HKDC1: variants seen among roughly 807,000 people sequenced by gnomAD.
HKDC1 encodes hexokinase HKDC1.
Under a neutral mutation model 96.6 loss-of-function variants are expected in HKDC1, and 66 were observed. That is an observed-to-expected ratio of 0.68 (90% CI 0.56 to 0.84). HKDC1 has a LOEUF of 0.84. Ranked by LOEUF, HKDC1 falls within the 40% of genes least tolerant of loss-of-function variation. HKDC1 has a pLI of 0.00. For missense variants in HKDC1, 1,211 were observed against 1,208.1 expected, an observed-to-expected ratio of 1.00 and a Z score of -0.04; for synonymous variants, 466 against 473.1, an observed-to-expected ratio of 0.98 and a Z score of 0.20.
In HKDC1 at chr10:69,267,459, G is replaced by A; in HGVS notation, c.*702G>A. On this transcript the variant is annotated 3_prime_UTR_variant, in exon 18 of 18. Coordinates refer to ENST00000354624, the MANE Select transcript of HKDC1 (RefSeq NM_025130.4). ...GGGGCATCTGTTTTTCATTTTGCCT[G>A]TGGTTTGTGTTGCAGGTGTTGATAG... is the stretch of plus-strand genomic sequence containing the variant. 4.4e-6 allele frequency: 2 copies of A among 455,694 alleles called. No individual in the cohort carries two copies. Among genetic ancestry groups the A allele is most frequent in the Non-Finnish European group, 8.8e-6 (2 of 226,894 alleles). The allele number at this position is 455,694 out of a possible 1,614,324, so 28.2% of individuals were successfully genotyped here.
intron 1 of HKDC1, among the ~76,000 whole-genome samples, chr10:69,221,324 A>G (rs1325525209): frequency 6.6e-6 from 1 of 152,170 alleles, no homozygotes; most frequent in Non-Finnish European, 1.5e-5. Context: ...CACTTTGCTC[A>G]GGGAACTTGT....
At chr10:69,262,007 G>T in intron 16 of HKDC1, 1 of 380,090 alleles carries the variant, frequency 2.6e-6, no homozygotes, top group Non-Finnish European at 5.3e-6. Context: ...TTCTGGACAA[G>T]AATATTTTCT....
chr10:69,234,056 G>A (rs1843322582), intron 4 of HKDC1, among the ~76,000 whole-genome samples: 1 of 152,116 alleles, frequency 6.6e-6, no homozygotes, highest in Admixed American at 6.6e-5. Flanking sequence ...GCAGGAGGAA[G>A]CTAACCCAAT....
chr10:69,265,832 A>T lies in HKDC1; in HGVS notation c.2606+14A>T. 6.7e-7 allele frequency: 1 copy of T among 1,483,670 alleles called. No homozygotes were observed. The highest frequency in any genetic ancestry group is 9.4e-7 in the Non-Finnish European group (1 of 1,068,766). The allele number at this position is 1,483,670 out of a possible 1,614,324, so 91.9% of individuals were successfully genotyped here. ...GCTGCACCCTCAGTGAGTGCCCACA[A>T]GAGGCGTGGCGGGTGGGGCTGGGGA... On this transcript the variant is annotated intron_variant, in intron 17 of 17. Transcript: ENST00000354624.
rs1327076532 is a variant in HKDC1 at position 69,267,309 on chromosome 10, G to C, written c.*552G>C. ...AAAGACTTTGAAGTATCCAGCCCCA[G>C]GGTGCAGAGAGGTTGATTGCCAGGG... On this transcript the variant is annotated 3_prime_UTR_variant, in exon 18 of 18. Transcript: ENST00000354624. 1 of 348,502 alleles carries C rather than the reference G, an allele frequency of 2.9e-6. No individual in the cohort carries two copies. The highest frequency in any genetic ancestry group is 5.5e-6 in the Non-Finnish European group (1 of 181,096). 21.6% of individuals were successfully genotyped at this position (348,502 alleles called of 1,614,324 possible).
intron 12 of HKDC1, among the ~76,000 whole-genome samples, chr10:69,256,309 T>A (rs938526797): frequency 7.9e-5 from 12 of 152,358 alleles, no homozygotes; most frequent in African/African-American, 2.9e-4. Flanking sequence ...TCCATACTGT[T>A]GGAGTTTTAG....
At chr10:69,260,650 G>A (rs1433925344) in intron 15 of HKDC1, among the ~76,000 whole-genome samples, 1 of 152,160 alleles carries the variant, frequency 6.6e-6, no homozygotes, top group East Asian at 1.9e-4. Flanking sequence ...TAATGATGAT[G>A]TGTGTCACCA....
Position 69,240,680 on chromosome 10 carries a change from T to A in HKDC1, c.620T>A (p.Val207Asp), listed in dbSNP as rs761666866. Residue 207 changes from valine (V) to aspartate (D), a missense_variant, in exon 6 of 18, where the codon GTC becomes GAC. Coordinates refer to ENST00000354624, the MANE Select transcript of HKDC1 (RefSeq NM_025130.4). ...ATGGACGTGGACATCCTGGCCCTGG[T>A]CAATGACACCGTGGGGACCATGATG... is the stretch of plus-strand genomic sequence containing the variant. The part of the protein sequence containing the change: ...KDMDVDILAL[V>D]NDTVGTMMTC... The A allele has an allele frequency of 1.1e-5, 18 of 1,614,072 alleles. No homozygotes were observed. The Admixed American group carries it at 1.2e-4, about 10-fold the overall frequency.
In HKDC1 at chr10:69,261,104, G is replaced by A. The variant is rs183709374; in HGVS notation, c.2217-35G>A. The stretch of plus-strand genomic sequence containing the variant: ...ACATCATGTGGTCTTCTGCATTGCA[G>A]GTCTGCCCCAACCTTATCCTTCTTC... On this transcript the variant is annotated intron_variant, in intron 15 of 17. Coordinates refer to ENST00000354624, the MANE Select transcript of HKDC1 (RefSeq NM_025130.4). 9 of 1,596,938 alleles carry A rather than the reference G, an allele frequency of 5.6e-6. No homozygotes were observed. In the East Asian group the frequency reaches 1.1e-4, roughly 20 times the overall value.
At chr10:69,247,642 C>T in intron 9 of HKDC1, 49 bp downstream of exon 9, 1 of 1,464,874 alleles carries the variant, frequency 6.8e-7, no homozygotes, top group Non-Finnish European at 9.5e-7. Context: ...CTCCCTGGAG[C>T]AGGGCCCCAG....
chr10:69,246,986 G>A (rs758508088), intron 8 of HKDC1, among the ~76,000 whole-genome samples: 14 of 152,242 alleles, frequency 9.2e-5, no homozygotes, highest in Non-Finnish European at 1.9e-4. Flanking sequence ...AAAAGTGTGG[G>A]TGCTAGAATC....
chr10:69,229,055 C>T (rs780227525), intron 2 of HKDC1, among the ~76,000 whole-genome samples: 26 of 152,318 alleles, frequency 1.7e-4, no homozygotes, highest in East Asian at 5.8e-4. Flanking sequence ...GCTGGGGACT[C>T]GCTGAGCCAC....
chr10:69,255,514 C>A (rs535503434), intron 12 of HKDC1, among the ~76,000 whole-genome samples: 1 of 152,338 alleles, frequency 6.6e-6, no homozygotes, highest in East Asian at 1.9e-4. Context: ...GACACCCTAG[C>A]TCTGCCTGCC....
At chr10:69,245,842 G>A (rs904171474) in intron 7 of HKDC1, among the ~76,000 whole-genome samples, 2 of 152,120 alleles carry the variant, frequency 1.3e-5, no homozygotes, top group Admixed American at 1.3e-4. Context: ...GTGATTTTGG[G>A]AAAATACCCA....
At chr10:69,232,990 T>C (rs1564726785) in intron 3 of HKDC1, 24 bp from the exon 4 acceptor site, 6 of 1,613,574 alleles carry the variant, frequency 3.7e-6, no homozygotes, top group Non-Finnish European at 4.2e-6. Context: ...TTAGCCCATG[T>C]ACTTTGCTTT....
At chr10:69,243,464 T>G (rs1158783920) in intron 7 of HKDC1, 99 bp downstream of exon 7, 4 of 967,726 alleles carry the variant, frequency 4.1e-6, no homozygotes, top group Non-Finnish European at 1.5e-6. Context: ...TGTGACTAGC[T>G]ATCCATCACA....
Position 69,250,350 on chromosome 10 carries a change from A to G in HKDC1, c.1631A>G (p.Lys544Arg), listed in dbSNP as rs141879185. 6.8e-6 allele frequency: 11 copies of G among 1,614,118 alleles called. No homozygotes were observed. The highest frequency in any genetic ancestry group is 9.3e-6 in the Non-Finnish European group (11 of 1,179,984). Reference protein sequence around the residue: ...GGTNFRVLLVKIRSGRRSVRM... With the variant: ...GGTNFRVLLVRIRSGRRSVRM... ...ACCAACTTCCGGGTCCTCCTGGTGA[A>G]GATCAGAAGTGGACGGAGGTCAGTG... Residue 544 changes from lysine (K) to arginine (R), a missense_variant, in exon 11 of 18, where the codon AAG (lysine) becomes AGG (arginine). By Grantham distance (26) the Lys-to-Arg change is conservative (BLOSUM62 2). Transcript: ENST00000354624.
intron 5 of HKDC1, among the ~76,000 whole-genome samples, chr10:69,239,496 G>C (rs531606844): frequency 1.3e-5 from 2 of 152,290 alleles, no homozygotes; most frequent in South Asian, 2.1e-4. Flanking sequence ...TTCCGGGCTG[G>C]TTCCATATTC....
chr10:69,246,274 G>T (rs1267144085), intron 8 of HKDC1, 40 bp downstream of exon 8: 2 of 1,605,864 alleles, frequency 1.2e-6, no homozygotes, highest in East Asian at 4.5e-5. Context: ...GGAGGGCTGG[G>T]ATGGGAGGCC....
Sources: gnomAD v4.1 joint callset for allele counts (sites outside exome capture counted in the v4.1 genomes callset) on GRCh38, gnomAD v4.1.1 for gene constraint, MANE v1.5 for transcripts, NCBI Gene and HGNC (gene_info 2026-07-23, HGNC 2026-07-21) for gene names.